Variants in HDX observed in about 807,000 individuals in gnomAD.
HDX encodes the protein chromosome X open reading frame 43.
HDX carries 19 observed loss-of-function variants against 45.2 expected under a neutral mutation model. The observed-to-expected ratio is 0.42, with a 90% CI of 0.29 to 0.62. The LOEUF (loss-of-function observed/expected upper bound fraction) is 0.62. HDX is among the 20% of genes least tolerant of loss of function. HDX has a pLI of 0.20. For missense variants in HDX, 532 were observed against 493.9 expected (o/e 1.08, Z -0.73); for synonymous variants, 188 against 172.8 (o/e 1.09, Z -0.69).
At chrX:84,483,562 G>A (rs2040732515) in intron 2 of HDX, among the ~76,000 whole-genome samples, 1 of 112,085 alleles carries the variant, frequency 8.9e-6, no homozygotes, top group South Asian at 3.7e-4. Flanking sequence ...CCTGGGCCTG[G>A]CCCATGAAAC....
At chrX:84,357,030 A>G (rs753731647) in intron 6 of HDX, among the ~76,000 whole-genome samples, 2 of 111,802 alleles carry the variant, frequency 1.8e-5, no homozygotes, top group Admixed American at 1.9e-4. Flanking sequence ...ATGGCTGTCC[A>G]TAGAACCTGA....
intron 4 of HDX, among the ~76,000 whole-genome samples, chrX:84,441,369 G>A (rs2039758115): frequency 2.7e-5 from 3 of 111,441 alleles, no homozygotes; most frequent in Admixed American, 9.5e-5. Context: ...TGGATTTATT[G>A]CTACATGTGT....
At chrX:84,412,252 G>A (rs749218780) in intron 5 of HDX, among the ~76,000 whole-genome samples, 2 of 111,249 alleles carry the variant, frequency 1.8e-5, no homozygotes, top group Admixed American at 9.6e-5. Context: ...GCTTTACAGT[G>A]TCAATGGTCT....
intron 2 of HDX, among the ~76,000 whole-genome samples, chrX:84,476,455 G>C (rs756296577): frequency 9.5e-6 from 1 of 105,812 alleles, no homozygotes; most frequent in Non-Finnish European, 1.9e-5. Context: ...TGAGGTAGGA[G>C]GATTGCTTGA....
At chrX:84,387,153 G>T (rs908256560) in intron 5 of HDX, among the ~76,000 whole-genome samples, 1 of 112,017 alleles carries the variant, frequency 8.9e-6, no homozygotes, top group Admixed American at 9.5e-5. Context: ...AGTTTCGAGA[G>T]ATCTTGATAT....
chrX:84,329,563 G>A (rs2036799648), intron 9 of HDX, among the ~76,000 whole-genome samples: 1 of 111,860 alleles, frequency 8.9e-6, no homozygotes, highest in Non-Finnish European at 1.9e-5. Context: ...ACCAGAAGGC[G>A]TTCAAGACTT....
intron 5 of HDX, among the ~76,000 whole-genome samples, chrX:84,408,514 T>G (rs2038893076): frequency 1.9e-5 from 2 of 102,720 alleles, no homozygotes; most frequent in Admixed American, 1.1e-4. Context: ...TTTTTTTTTT[T>G]TTTTTTTTGC....
At chrX:84,368,641 A>G (rs756859227) in intron 5 of HDX, among the ~76,000 whole-genome samples, 4 of 111,944 alleles carry the variant, frequency 3.6e-5, no homozygotes, top group Non-Finnish European at 7.5e-5. Flanking sequence ...ATTTGCCATT[A>G]TAAACCCTTT....
At chrX:84,482,548 A>G (rs769949727) in intron 2 of HDX, among the ~76,000 whole-genome samples, 1 of 111,670 alleles carries the variant, frequency 9.0e-6, no homozygotes, top group African/African-American at 3.3e-5. Flanking sequence ...ACTCATTATC[A>G]TAAGAATAGC....
At chrX:84,343,955 C>T (rs2037142988) in intron 7 of HDX, among the ~76,000 whole-genome samples, 2 of 110,671 alleles carry the variant, frequency 1.8e-5, no homozygotes, top group African/African-American at 3.3e-5. Flanking sequence ...ACTGCTCTGA[C>T]CTAAATTGAC....
chrX:84,493,044 T>C (rs61351893), intron 1 of HDX, among the ~76,000 whole-genome samples: 1,144 of 110,808 alleles, frequency 0.01, 22 homozygotes, highest in African/African-American at 0.037. Context: ...TCCGAGTAGC[T>C]AAGATTACAG....
At chrX:84,334,762 T>G (rs2036923859) in intron 8 of HDX, among the ~76,000 whole-genome samples, 1 of 110,390 alleles carries the variant, frequency 9.1e-6, no homozygotes, top group East Asian at 2.9e-4. Context: ...CTTTAAATAT[T>G]TAAACCCTGC....
chrX:84,345,464 G>A (rs1289513439), intron 6 of HDX, among the ~76,000 whole-genome samples: 3 of 111,231 alleles, frequency 2.7e-5, no homozygotes, highest in Admixed American at 9.6e-5. Flanking sequence ...TGTGTATCGA[G>A]CCCATTCGTT....
At chrX:84,341,715 G>GT (rs748652418) in intron 7 of HDX, among the ~76,000 whole-genome samples, 1,616 of 95,798 alleles carry the variant, frequency 0.017, 15 homozygotes, top group African/African-American at 0.039. Flanking sequence ...CTCCTTATTT[G>GT]TTTTTTTTTT....
intron 5 of HDX, among the ~76,000 whole-genome samples, chrX:84,369,493 A>G (rs1326437743): frequency 8.9e-6 from 1 of 111,934 alleles, no homozygotes; most frequent in Non-Finnish European, 1.9e-5. Context: ...AAACCTCCAT[A>G]CTGTTTTCCC....
At chrX:84,429,173 T>G (rs1490763022) in intron 5 of HDX, among the ~76,000 whole-genome samples, 1 of 110,656 alleles carries the variant, frequency 9.0e-6, no homozygotes, top group Non-Finnish European at 1.9e-5. Context: ...CTAAGTAATT[T>G]TAATTACCAT....
chrX:84,328,965 G>C (rs768092208), intron 9 of HDX, among the ~76,000 whole-genome samples: 35 of 112,092 alleles, frequency 3.1e-4, no homozygotes, highest in Non-Finnish European at 5.1e-4. Flanking sequence ...GGTTCAGAAA[G>C]GGGGGACAAC....
chrX:84,377,850 T>C (rs1347006686), intron 5 of HDX, among the ~76,000 whole-genome samples: 1 of 111,274 alleles, frequency 9.0e-6, no homozygotes, highest in Admixed American at 9.6e-5. Flanking sequence ...AAAGGGATAA[T>C]ATCAGAATAC....
rs141712546 is a variant in HDX at position 84,431,436 on chromosome X, C to T, written c.1305+9096G>A. ...GTTTAGAAATCGCCAAAGTGCTTTC[C>T]ACAATGGCTGCACTAATAGACATTC... On this transcript the variant is annotated intron_variant, in intron 5 of 10. Coordinates refer to ENST00000373177, the MANE Select transcript of HDX (RefSeq NM_001177479.2). Among the ~76,000 whole-genome samples the T allele has an allele frequency of 3.0e-4, 33 of 111,076 alleles. 1 individual carries two copies. In the East Asian group the frequency reaches 9.1e-3, roughly 31 times the overall value.
Sources: gnomAD v4.1 joint callset for allele counts (sites outside exome capture counted in the v4.1 genomes callset) on GRCh38, gnomAD v4.1.1 for gene constraint, MANE v1.5 for transcripts, NCBI Gene and HGNC (gene_info 2026-07-23, HGNC 2026-07-21) for gene names.